Variants in PANK2 observed in about 807,000 individuals in gnomAD.
PANK2 encodes the protein pantothenate kinase 2, mitochondrial.
PANK2 carries 36 observed loss-of-function variants against 43.1 expected under a neutral mutation model. The observed-to-expected ratio is 0.84, with a 90% confidence interval of 0.64 to 1.10. The LOEUF is 1.10. PANK2 is among the 50% of genes least tolerant of loss of function. The pLI is 0.00. For synonymous variants in PANK2, 281 were observed against 238.2 expected (o/e 1.18, Z -1.66); for missense variants, 576 against 593.3 (o/e 0.97, Z 0.30).
chr20:3,903,500 C>G (rs1396007869), intron 1 of PANK2, among the ~76,000 whole-genome samples: 1 of 106,092 alleles, frequency 9.4e-6, no homozygotes, highest in Admixed American at 1.2e-4. Context: ...GAGTTTTGCT[C>G]TTGTTGCCCA....
At chr20:3,891,752 T>A (rs1167110054) in intron 1 of PANK2, among the ~76,000 whole-genome samples, 18 of 152,140 alleles carry the variant, frequency 1.2e-4, no homozygotes, top group Non-Finnish European at 2.9e-5. Flanking sequence ...CAAATACAGG[T>A]GACTCAAAGA....
rs1473840326 is a variant in PANK2, at chr20:3,926,335, A to G, written c.*3041A>G. The G allele has an allele frequency of 2.6e-5, 4 of 152,338 alleles. No homozygotes were observed. The highest frequency in any genetic ancestry group is 9.7e-5 in the African/African-American group (4 of 41,420). 9.4% of individuals were successfully genotyped at this position (152,338 alleles called of 1,614,324 possible). On this transcript the variant is annotated 3_prime_UTR_variant, in exon 7 of 7. Transcript: ENST00000610179. Reference sequence around the variant, plus strand: ...TTGAGCAGTGACGGAGGAAGCTGCAAAGAAAACGACTGCTCAGGGAGAGGC... The same window carrying G: ...TTGAGCAGTGACGGAGGAAGCTGCAGAGAAAACGACTGCTCAGGGAGAGGC...
intron 1 of PANK2, among the ~76,000 whole-genome samples, chr20:3,906,211 G>A (rs1297929244): frequency 6.6e-6 from 1 of 151,840 alleles, no homozygotes; most frequent in Non-Finnish European, 1.5e-5. Context: ...GACTGCTTGA[G>A]CCCAGGAGTT....
At chr20:3,903,126 T>G (rs979006124) in intron 1 of PANK2, among the ~76,000 whole-genome samples, 2 of 146,484 alleles carry the variant, frequency 1.4e-5, no homozygotes, top group Admixed American at 7.3e-5. Context: ...GATGTAAAAA[T>G]GATTAGCTTG....
At position 3,889,573 on chromosome 20, in the gene PANK2, G is replaced by A; in HGVS notation, c.143G>A (p.Arg48Gln). Reference sequence around the variant, plus strand: ...CAGGCGGCCGGGGACCCCGAAGGGCGGCGGCAGGAGCCACTGCGGCGCCGG... The same window carrying A: ...CAGGCGGCCGGGGACCCCGAAGGGCAGCGGCAGGAGCCACTGCGGCGCCGG... Residue 48 changes from arginine to glutamine, a missense_variant, in exon 1 of 7, where the codon CGG (arginine) becomes CAG (glutamine). Arg to Gln is a conservative substitution (Grantham distance 43). Transcript: ENST00000610179. 6.9e-7 allele frequency: 1 copy of A among 1,453,286 alleles called. No homozygotes were observed. The highest frequency in any genetic ancestry group is 1.4e-5 in the South Asian group (1 of 72,204). 90.0% of individuals were successfully genotyped at this position (1,453,286 alleles called of 1,614,324 possible). A position where few individuals can be genotyped will look rare whatever the true frequency, so the allele number is the denominator to read the frequency against.
chr20:3,912,716 C>T (rs2090487779), intron 4 of PANK2, 82 bp downstream of exon 4: 1 of 1,453,950 alleles, frequency 6.9e-7, no homozygotes, highest in Non-Finnish European at 9.5e-7. Context: ...CTTTGAGAGG[C>T]CGAGATGGGC....
chr20:3,915,437 T>C (rs2090543658), intron 4 of PANK2, among the ~76,000 whole-genome samples: 1 of 152,096 alleles, frequency 6.6e-6, no homozygotes, highest in African/African-American at 2.4e-5. Context: ...TAGCTGGGAC[T>C]ACAGTGCGTG....
At chr20:3,922,526 G>A (rs943846569) in intron 6 of PANK2, among the ~76,000 whole-genome samples, 1 of 152,164 alleles carries the variant, frequency 6.6e-6, no homozygotes, top group African/African-American at 2.4e-5. Context: ...ACCTTTGGGT[G>A]GTGGTTTTCA....
At position 3,928,881 on chromosome 20, in the gene PANK2, C is replaced by G. The variant is rs1473493028; in HGVS notation, c.*5587C>G. On this transcript the variant is annotated 3_prime_UTR_variant, in exon 7 of 7. Coordinates refer to ENST00000610179, the MANE Select transcript of PANK2 (RefSeq NM_001386393.1). ...TGTGTGTTTTTTTGAGACGGAGTCTCGCTCTGTTGCCCAGGCTGGAGTGCA... is the reference window on the plus strand; with the variant it reads ...TGTGTGTTTTTTTGAGACGGAGTCTGGCTCTGTTGCCCAGGCTGGAGTGCA... 6.6e-6 allele frequency: 1 copy of G among 150,720 alleles called. No individual in the cohort carries two copies. Among genetic ancestry groups the G allele is most frequent in the African/African-American group, 2.4e-5 (1 of 41,068 alleles). 9.3% of individuals were successfully genotyped at this position (150,720 alleles called of 1,614,324 possible). A position where few individuals can be genotyped will look rare whatever the true frequency, so the allele number is the denominator to read the frequency against.
At chr20:3,892,062 G>A (rs1433842295) in intron 1 of PANK2, among the ~76,000 whole-genome samples, 1 of 152,150 alleles carries the variant, frequency 6.6e-6, no homozygotes, top group South Asian at 2.1e-4. Flanking sequence ...CAGGCTGGGC[G>A]CAGTGGCTCA....
At chr20:3,907,130 G>A (rs1403833548) in intron 1 of PANK2, among the ~76,000 whole-genome samples, 2 of 107,564 alleles carry the variant, frequency 1.9e-5, no homozygotes, top group Admixed American at 2.6e-4. Context: ...TTGAGACAGA[G>A]CCTCACTCTG....
In PANK2 at chr20:3,908,162, A is replaced by T. The variant is rs761660536; in HGVS notation, c.535A>T (p.Thr179Ser). ...CAATCTGCACTTTATACGCTTTCCC[A>T]CTCATGACATGCCTGCTTTTATTCA... Residue 179 changes from threonine (T) to serine (S), a missense_variant, in exon 2 of 7, where the codon ACT (threonine) becomes TCT (serine). Physicochemically the swap from Thr to Ser is moderately conservative, Grantham distance 58 (BLOSUM62 1). This residue lies in a region of PANK2 where 544 missense variants were observed against 528.9 expected (regional missense o/e 1.03). Coordinates refer to ENST00000610179, the MANE Select transcript of PANK2 (RefSeq NM_001386393.1). 15 of 1,614,058 alleles carry T rather than the reference A, an allele frequency of 9.3e-6. No individual in the cohort carries two copies. Among genetic ancestry groups the T allele is most frequent in the Non-Finnish European group, 1.3e-5 (15 of 1,180,028 alleles).
At chr20:3,911,249 T>A (rs4815628) in intron 3 of PANK2, among the ~76,000 whole-genome samples, 1 of 152,124 alleles carries the variant, frequency 6.6e-6, no homozygotes, top group Non-Finnish European at 1.5e-5. Context: ...GAAGTTGATA[T>A]GTACTGATCA....
intron 4 of PANK2, among the ~76,000 whole-genome samples, chr20:3,916,713 G>A (rs932501075): frequency 1.3e-5 from 2 of 152,180 alleles, no homozygotes; most frequent in Non-Finnish European, 2.9e-5. Context: ...AGTAGAAACC[G>A]CAGGGAAAGC....
chr20:3,909,306 C>T (rs568298894), intron 2 of PANK2, among the ~76,000 whole-genome samples: 1 of 152,260 alleles, frequency 6.6e-6, no homozygotes, highest in East Asian at 1.9e-4. Flanking sequence ...TCTCGAACTC[C>T]TGATCTCAGG....
At chr20:3,888,802 T>C (rs2090056654), upstream of PANK2, 18 of 404,514 alleles carry the variant, frequency 4.4e-5, no homozygotes, top group South Asian at 8.4e-4. Flanking sequence ...TACCTCTCTC[T>C]CCAACGCAGG....
Position 3,929,210 on chromosome 20 carries a change from CAT to C in PANK2, c.*5918_*5919del, listed in dbSNP as rs780800912. 5 of 152,244 alleles carry C rather than the reference CAT, an allele frequency of 3.3e-5. No homozygotes were observed. The highest frequency in any genetic ancestry group is 7.3e-5 in the Non-Finnish European group (5 of 68,110). The allele number at this position is 152,244 out of a possible 1,614,324, so 9.4% of individuals were successfully genotyped here. On this transcript the variant is annotated 3_prime_UTR_variant, in exon 7 of 7. Coordinates refer to ENST00000610179, the MANE Select transcript of PANK2 (RefSeq NM_001386393.1). ...AGAGTGAGGAGGCCAGCCTGGGCAA[CAT>C]AGTGAGTTGAGACCTGTCTCTACAA...
rs1199245753 is a variant in PANK2, at chr20:3,924,917, G to A, written c.*1623G>A. The stretch of plus-strand genomic sequence containing the variant: ...GCCCCTCTGAGGCCCCTGTTTTGTG[G>A]TCCTGCTGCCTCTGCTGTGCTGCGT... On this transcript the variant is annotated 3_prime_UTR_variant, in exon 7 of 7. Transcript: ENST00000610179. 1 of 152,932 alleles carries A rather than the reference G, an allele frequency of 6.5e-6. No individual in the cohort carries two copies. Among genetic ancestry groups the A allele is most frequent in the Non-Finnish European group, 1.5e-5 (1 of 68,652 alleles). 9.5% of individuals were successfully genotyped at this position (152,932 alleles called of 1,614,324 possible).
intron 4 of PANK2, among the ~76,000 whole-genome samples, chr20:3,913,250 T>C (rs1414895289): frequency 6.6e-6 from 1 of 152,212 alleles, no homozygotes; most frequent in East Asian, 1.9e-4. Flanking sequence ...TCATACAGTA[T>C]ATGATCTTTT....
Sources: gnomAD v4.1 joint callset for allele counts (sites outside exome capture counted in the v4.1 genomes callset) on GRCh38, gnomAD v4.1.1 for gene constraint, gnomAD v4.1.1 regional missense constraint, MANE v1.5 for transcripts, NCBI Gene and HGNC (gene_info 2026-07-23, HGNC 2026-07-21) for gene names.